The following LYRM4 variants were observed in gnomAD, a reference collection of about 807,000 sequenced individuals.
LYRM4 encodes LYR motif-containing protein 4.
Under a neutral mutation model 11.7 loss-of-function variants are expected in LYRM4, and 9 were observed. That is an observed-to-expected ratio of 0.77 (90% confidence interval 0.46 to 1.34). The LOEUF is 1.34. Ranked by LOEUF, LYRM4 falls within the 40% of genes most tolerant of loss-of-function variation. The probability of loss-of-function intolerance (pLI) is 0.00; values close to 1 mark genes in which losing one functional copy is unlikely to be tolerated. For missense variants in LYRM4, 133 were observed against 112.5 expected, an observed-to-expected ratio of 1.18 and a Z score of -0.82; for synonymous variants, 42 against 40.4, an observed-to-expected ratio of 1.04 and a Z score of -0.15.
rs115579061 is a variant in LYRM4 at position 5,140,299 on chromosome 6, C to T, written c.208-30808G>A. Among the ~76,000 whole-genome samples the T allele has an allele frequency of 4.8e-3, 732 of 152,010 alleles. 3 individuals carry two copies. The highest frequency in any genetic ancestry group is 6.4e-3 in the Non-Finnish European group (434 of 67,988). ...TGAGCCTATTCTGGTTCACAGGCTG[C>T]CTGATTTGCAAAGTGTTATTTGCTC... is the stretch of plus-strand genomic sequence containing the variant. On this transcript the variant is annotated intron_variant, in intron 2 of 2. Coordinates refer to ENST00000330636, the MANE Select transcript of LYRM4 (RefSeq NM_020408.6).
the LYRM4 span, among the ~76,000 whole-genome samples, chr6:5,052,596 C>G: frequency 9.2e-5 from 14 of 152,058 alleles, no homozygotes; most frequent in Admixed American, 5.3e-4. Flanking sequence ...TCATGTCTGG[C>G]CCAGTGTATA....
chr6:5,244,114 C>T (rs963606416), intron 1 of LYRM4, among the ~76,000 whole-genome samples: 18 of 152,240 alleles, frequency 1.2e-4, no homozygotes, highest in Admixed American at 2.6e-4. Context: ...AACAGGCATT[C>T]TGTACAAACC....
At chr6:5,068,026 T>A in the LYRM4 span, among the ~76,000 whole-genome samples, 2 of 152,210 alleles carry the variant, frequency 1.3e-5, no homozygotes, top group African/African-American at 4.8e-5. This position sits in a 1 kb window ranked among gnomAD's most constrained non-coding sequence, Gnocchi z 4.0. Context: ...AAATGTGCTA[T>A]GGAAAGCACA....
At chr6:5,119,388 C>T (rs1287074092) in intron 2 of LYRM4, among the ~76,000 whole-genome samples, 1 of 152,202 alleles carries the variant, frequency 6.6e-6, no homozygotes, top group Non-Finnish European at 1.5e-5. Flanking sequence ...AGCGCTTGTT[C>T]ATTCTCAGGT....
chr6:5,156,591 A>G (rs913041089), intron 2 of LYRM4, among the ~76,000 whole-genome samples: 2 of 152,348 alleles, frequency 1.3e-5, no homozygotes, highest in African/African-American at 4.8e-5. Flanking sequence ...AAGGACTTCG[A>G]GTCTGGATGG....
At chr6:5,242,074 CTTT>C (rs879606834) in intron 1 of LYRM4, among the ~76,000 whole-genome samples, 2 of 141,660 alleles carry the variant, frequency 1.4e-5, no homozygotes, top group Non-Finnish European at 3.1e-5. Context: ...CTTGCTTACA[CTTT>C]TTTTTTTTTT....
the LYRM4 span, chr6:5,085,813 G>A: frequency 1.3e-6 from 2 of 1,528,192 alleles, no homozygotes; most frequent in South Asian, 1.2e-5. Flanking sequence ...GGTGGCACTG[G>A]GCGGCGAGGG....
At chr6:5,083,168 T>C in the LYRM4 span, among the ~76,000 whole-genome samples, 2 of 152,146 alleles carry the variant, frequency 1.3e-5, no homozygotes, top group African/African-American at 2.4e-5. Flanking sequence ...CTCACCTCCT[T>C]CTCTGTCCTG....
chr6:5,144,624 C>CAAAAAAAAAAAAAAAAAAAA (rs71540849), intron 2 of LYRM4, among the ~76,000 whole-genome samples: 2 of 37,596 alleles, frequency 5.3e-5, no homozygotes, highest in Non-Finnish European at 9.5e-5. Flanking sequence ...GACTCCGTCT[C>CAAAAAAAAAAAAAAAAAAAA]AAAAAAAAAA....
chr6:5,090,056 A>AC, the LYRM4 span, among the ~76,000 whole-genome samples: 24 of 136,400 alleles, frequency 1.8e-4, no homozygotes, highest in African/African-American at 7.3e-4. The surrounding 1 kb of genome is among the most constrained non-coding windows in gnomAD (Gnocchi z 4.8). Flanking sequence ...CACACACCAC[A>AC]AACAAAATCC....
At chr6:5,088,860 C>A in the LYRM4 span, 1 of 152,184 alleles carries the variant, frequency 6.6e-6, no homozygotes, top group African/African-American at 2.4e-5. Flanking sequence ...CTGTTGCCTT[C>A]TTTCACCTAA....
the LYRM4 span, among the ~76,000 whole-genome samples, chr6:5,056,777 GA>G: frequency 6.6e-6 from 1 of 152,146 alleles, no homozygotes; most frequent in Admixed American, 6.5e-5. Flanking sequence ...ATTGAAGTCA[GA>G]GGTTCACATG....
At chr6:5,135,602 G>A (rs531730762) in intron 2 of LYRM4, among the ~76,000 whole-genome samples, 121 of 151,934 alleles carry the variant, frequency 8.0e-4, no homozygotes, top group African/African-American at 2.8e-3. Context: ...TGGCTCCCTA[G>A]GTGGTGTTCA....
chr6:5,141,684 C>A (rs1405273726), intron 2 of LYRM4, among the ~76,000 whole-genome samples: 1 of 152,138 alleles, frequency 6.6e-6, no homozygotes, highest in Admixed American at 6.5e-5. Flanking sequence ...TCAACACTCA[C>A]GGAGGTCAGA....
chr6:5,049,540 G>A, the LYRM4 span, among the ~76,000 whole-genome samples: 1 of 152,140 alleles, frequency 6.6e-6, no homozygotes, highest in South Asian at 2.1e-4. Context: ...CCCTTAATAG[G>A]TAAGTTATTC....
In LYRM4 at chr6:5,118,094, A is replaced by ATATATATATATATTTTTT; in HGVS notation, c.208-8604_208-8603insAAAAAATATATATATATA. On this transcript the variant is annotated intron_variant, in intron 2 of 2. Coordinates refer to ENST00000330636, the MANE Select transcript of LYRM4 (RefSeq NM_020408.6). ...TCACCAAAACAATATATATATATAT[A>ATATATATATATATTTTTT]TTTTTGTTTTGTTTTGTTTTGTTTT... Among the ~76,000 whole-genome samples, 776 of 85,366 alleles carry ATATATATATATATTTTTT rather than the reference A, an allele frequency of 9.1e-3. 4 individuals are homozygous for ATATATATATATATTTTTT. Among genetic ancestry groups the ATATATATATATATTTTTT allele is most frequent in the East Asian group, 0.022 (35 of 1,578 alleles). 56.0% of individuals were successfully genotyped at this position (85,366 alleles called of 152,430 possible).
At chr6:5,039,433 A>G in the LYRM4 span, among the ~76,000 whole-genome samples, 1 of 152,164 alleles carries the variant, frequency 6.6e-6, no homozygotes, top group Non-Finnish European at 1.5e-5. Flanking sequence ...TTTTAGAACA[A>G]TGAAGAGCAG....
chr6:5,146,376 T>C (rs1004366485), intron 2 of LYRM4, among the ~76,000 whole-genome samples: 1 of 152,210 alleles, frequency 6.6e-6, no homozygotes, highest in Admixed American at 6.5e-5. Flanking sequence ...TGAGGGGGTA[T>C]TGTTACCTTC....
chr6:5,093,380 C>G, the LYRM4 span, among the ~76,000 whole-genome samples: 3 of 152,240 alleles, frequency 2.0e-5, no homozygotes, highest in Admixed American at 2.0e-4. Flanking sequence ...GAGCATGTGA[C>G]AGTGGAGGGG....
Sources: allele counts gnomAD v4.1 joint callset (sites outside exome capture counted in the v4.1 genomes callset), GRCh38; gene constraint gnomAD v4.1.1; non-coding constraint Gnocchi (gnomAD v3.1); transcripts MANE v1.5; gene names NCBI Gene and HGNC (gene_info 2026-07-23, HGNC 2026-07-21).